FAM168A: variants seen among roughly 807,000 people sequenced by gnomAD.
FAM168A encodes protein FAM168A.
Under a neutral mutation model 28.5 loss-of-function variants are expected in FAM168A, and 3 were observed. The observed-to-expected ratio is 0.11, with a 90% CI of 0.05 to 0.27. The LOEUF is 0.27. FAM168A is among the 10% of genes least tolerant of loss of function. The pLI is 1.00. For synonymous variants in FAM168A, 122 were observed against 124.2 expected (o/e 0.98, Z 0.12); for missense variants, 222 against 311.5 (o/e 0.71, Z 2.16).
chr11:73,410,431 G>GGCATT (rs1329423204), intron 5 of FAM168A: 1 of 151,052 alleles, frequency 6.6e-6, no homozygotes, highest in African/African-American at 2.4e-5. Context: ...AAAAAAAAAA[G>GGCATT]GCATACATGG....
intron 1 of FAM168A, among the ~76,000 whole-genome samples, chr11:73,506,925 A>C (rs908238258): frequency 1.3e-5 from 2 of 152,194 alleles, no homozygotes; most frequent in African/African-American, 4.8e-5. Flanking sequence ...TTCAGAGTTA[A>C]GTTCCTACTA....
At chr11:73,453,484 G>A (rs772443824) in intron 2 of FAM168A, among the ~76,000 whole-genome samples, 22 of 152,160 alleles carry the variant, frequency 1.4e-4, no homozygotes, top group South Asian at 2.1e-4. Flanking sequence ...GACCCAGCCC[G>A]CAAGCAGTTA....
intron 1 of FAM168A, among the ~76,000 whole-genome samples, chr11:73,564,693 A>C (rs1052023616): frequency 4.8e-4 from 70 of 144,700 alleles, no homozygotes; most frequent in African/African-American, 1.7e-3. Context: ...CAGTGAGCTG[A>C]GATCGCGCAA....
At chr11:73,517,607 T>C (rs1381150371) in intron 1 of FAM168A, among the ~76,000 whole-genome samples, 1 of 152,086 alleles carries the variant, frequency 6.6e-6, no homozygotes, top group Non-Finnish European at 1.5e-5. Flanking sequence ...GAAGGTACAC[T>C]CCTAACATGC....
At chr11:73,580,202 G>A (rs557306457) in intron 1 of FAM168A, 100 of 473,184 alleles carry the variant, frequency 2.1e-4, no homozygotes, top group Non-Finnish European at 3.9e-4. Flanking sequence ...GTGCTCCGCT[G>A]CATCCCACGC....
intron 1 of FAM168A, chr11:73,580,257 C>G: frequency 1.8e-6 from 1 of 549,272 alleles, no homozygotes; most frequent in Non-Finnish European, 3.6e-6. Flanking sequence ...GCCACCATGC[C>G]CAAGAAAGGC....
At chr11:73,543,402 A>G (rs576454342) in intron 1 of FAM168A, among the ~76,000 whole-genome samples, 15 of 151,552 alleles carry the variant, frequency 9.9e-5, no homozygotes, top group Admixed American at 3.3e-4. Flanking sequence ...CTGGGATTAC[A>G]GGCACCCGCC....
At chr11:73,570,762 G>GA (rs958589199) in intron 1 of FAM168A, among the ~76,000 whole-genome samples, 29 of 149,250 alleles carry the variant, frequency 1.9e-4, no homozygotes, top group African/African-American at 6.1e-4. Flanking sequence ...GACAAGAAAA[G>GA]AAAAAAAATA....
chr11:73,426,809 T>C (rs562858701), intron 3 of FAM168A, among the ~76,000 whole-genome samples: 3 of 152,084 alleles, frequency 2.0e-5, no homozygotes, highest in African/African-American at 4.8e-5. Flanking sequence ...ACAATCTAGG[T>C]CTTTCAACTC....
chr11:73,561,650 A>G (rs1943959751), intron 1 of FAM168A, among the ~76,000 whole-genome samples: 1 of 152,194 alleles, frequency 6.6e-6, no homozygotes, highest in Admixed American at 6.5e-5. Context: ...AGAACTAGAA[A>G]TGGCATAGCC....
In FAM168A at chr11:73,409,644, C is replaced by T; in HGVS notation, c.438G>A (p.Gln146=). The part of the protein sequence containing the change: ...NLYAQGAYYT[Q]PVYAAQPHVI... The stretch of plus-strand genomic sequence containing the variant: ...CATGAGGCTGGGCAGCATACACCGG[C>T]TGTGTGTAGTAGGCTCCCTGGGGGA... The change falls in exon 6 of 8, where the codon CAG becomes CAA. Residue 146 remains glutamine (Q), a synonymous_variant. Transcript: ENST00000356467. 1 of 1,609,574 alleles carries T rather than the reference C, an allele frequency of 6.2e-7. No homozygotes were observed. The highest frequency in any genetic ancestry group is 8.5e-7 in the Non-Finnish European group (1 of 1,177,674).
intron 1 of FAM168A, among the ~76,000 whole-genome samples, chr11:73,497,184 C>T (rs1022805502): frequency 3.3e-5 from 5 of 152,184 alleles, no homozygotes; most frequent in African/African-American, 9.6e-5. Context: ...GAACTACTGT[C>T]GGCCAGGCAC....
intron 1 of FAM168A, among the ~76,000 whole-genome samples, chr11:73,594,033 G>A (rs967500715): frequency 1.3e-5 from 2 of 152,180 alleles, no homozygotes; most frequent in Non-Finnish European, 2.9e-5. Context: ...ATAGTGAACA[G>A]ATATTTCATA....
At chr11:73,578,948 T>A (rs137964253) in intron 1 of FAM168A, among the ~76,000 whole-genome samples, 202 of 152,290 alleles carry the variant, frequency 1.3e-3, no homozygotes, top group African/African-American at 4.4e-3. Flanking sequence ...CCACAAACAT[T>A]TATTTTTCAC....
intron 1 of FAM168A, among the ~76,000 whole-genome samples, chr11:73,558,912 G>A (rs1424033898): frequency 1.3e-5 from 2 of 152,150 alleles, no homozygotes; most frequent in African/African-American, 4.8e-5. Context: ...GTTAAACATA[G>A]AATTACCATA....
chr11:73,499,435 C>T (rs1404768137), intron 1 of FAM168A, among the ~76,000 whole-genome samples: 3 of 151,960 alleles, frequency 2.0e-5, no homozygotes, highest in Non-Finnish European at 4.4e-5. Flanking sequence ...TGAAAAAATG[C>T]TGAAAACCCA....
chr11:73,452,818 AAT>A (rs942656463), intron 2 of FAM168A, among the ~76,000 whole-genome samples: 4 of 147,268 alleles, frequency 2.7e-5, no homozygotes, highest in African/African-American at 1.1e-4. Flanking sequence ...AAAAAATAAT[AAT>A]AATAAGTAAA....
At chr11:73,535,418 CTTTT>C (rs557433454) in intron 1 of FAM168A, among the ~76,000 whole-genome samples, 4 of 132,276 alleles carry the variant, frequency 3.0e-5, no homozygotes, top group Admixed American at 7.6e-5. Flanking sequence ...TTCTTTCTTT[CTTTT>C]TTTTTTTTTT....
chr11:73,577,219 C>T (rs969935729), intron 1 of FAM168A, among the ~76,000 whole-genome samples: 1 of 152,160 alleles, frequency 6.6e-6, no homozygotes, highest in Non-Finnish European at 1.5e-5. Context: ...ATTTCTAATC[C>T]TCCCAACAAC....
Sources: allele counts gnomAD v4.1 joint callset (sites outside exome capture counted in the v4.1 genomes callset), GRCh38; gene constraint gnomAD v4.1.1; transcripts MANE v1.5; gene names NCBI Gene and HGNC (gene_info 2026-07-23, HGNC 2026-07-21).